Variants in MINDY3 observed in about 807,000 individuals in gnomAD.
The protein encoded by MINDY3 is ubiquitin carboxyl-terminal hydrolase MINDY-3.
MINDY3 carries 38 observed loss-of-function variants against 69.2 expected under a neutral mutation model. The observed-to-expected ratio is 0.55, with a 90% CI of 0.42 to 0.72. The LOEUF is 0.72. Ranked by LOEUF, MINDY3 falls within the 30% of genes least tolerant of loss-of-function variation. The pLI is 0.00. For missense variants in MINDY3, 522 were observed against 519.0 expected, an observed-to-expected ratio of 1.01 and a Z score of -0.06; for synonymous variants, 192 against 180.1, an observed-to-expected ratio of 1.07 and a Z score of -0.53.
chr10:15,858,440 A>G (rs1229403604), intron 1 of MINDY3, among the ~76,000 whole-genome samples: 2 of 152,258 alleles, frequency 1.3e-5, no homozygotes. Context: ...TGAATTTGGC[A>G]TAGTCTACAA....
At chr10:15,816,558 C>A (rs750569689) in intron 10 of MINDY3, among the ~76,000 whole-genome samples, 11 of 150,482 alleles carry the variant, frequency 7.3e-5, no homozygotes, top group Non-Finnish European at 4.4e-5. Flanking sequence ...CAATTGTTTT[C>A]TCTATAACAC....
At chr10:15,827,700 A>G (rs1473478749) in intron 8 of MINDY3, among the ~76,000 whole-genome samples, 2 of 152,150 alleles carry the variant, frequency 1.3e-5, no homozygotes, top group Non-Finnish European at 2.9e-5. Context: ...AGCTCCTAGA[A>G]ACTGAACAAA....
intron 9 of MINDY3, among the ~76,000 whole-genome samples, chr10:15,819,833 CAGA>C (rs919762444): frequency 6.6e-6 from 1 of 152,168 alleles, no homozygotes; most frequent in South Asian, 2.1e-4. Flanking sequence ...AATATGTAAA[CAGA>C]AGAATACACA....
At chr10:15,855,679 C>G (rs1834641675) in intron 1 of MINDY3, among the ~76,000 whole-genome samples, 1 of 152,084 alleles carries the variant, frequency 6.6e-6, no homozygotes, top group Non-Finnish European at 1.5e-5. Context: ...ATTTTGCACA[C>G]CATTTTGACA....
At chr10:15,848,023 G>C (rs1833974383) in intron 1 of MINDY3, 80 bp from the exon 2 acceptor site, 2 of 1,144,860 alleles carry the variant, frequency 1.7e-6, no homozygotes, top group African/African-American at 3.1e-5. Context: ...ACTTTGCTTT[G>C]AGAATGATCA....
At chr10:15,788,507 G>A (rs1181768435) in intron 12 of MINDY3, among the ~76,000 whole-genome samples, 1 of 152,012 alleles carries the variant, frequency 6.6e-6, no homozygotes, top group Non-Finnish European at 1.5e-5. Context: ...TGTTTGATAA[G>A]CTCAAGTTTT....
chr10:15,833,601 G>T lies in MINDY3; in HGVS notation c.730+29C>A, dbSNP rs185974010. The stretch of plus-strand genomic sequence containing the variant: ...TTCCAATGAAATATTATTCATCAAA[G>T]AGAGCAACATAACAAGGAATATACT... On this transcript the variant is annotated intron_variant, in intron 8 of 14. Transcript: ENST00000277632. 17 of 1,354,236 alleles carry T rather than the reference G, an allele frequency of 1.3e-5. No individual in the cohort carries two copies. The East Asian group carries it at 3.7e-4, about 29-fold the overall frequency. 83.9% of individuals were successfully genotyped at this position (1,354,236 alleles called of 1,614,324 possible). A position where few individuals can be genotyped will look rare whatever the true frequency, so the allele number is the denominator to read the frequency against.
chr10:15,782,984 TG>T (rs1836662688), intron 13 of MINDY3, among the ~76,000 whole-genome samples: 1 of 152,190 alleles, frequency 6.6e-6, no homozygotes, highest in South Asian at 2.1e-4. Context: ...GGCCCCTGGC[TG>T]AGTCTGCCTG....
chr10:15,802,777 C>T (rs1838354211), intron 10 of MINDY3, among the ~76,000 whole-genome samples: 1 of 151,774 alleles, frequency 6.6e-6, no homozygotes, highest in Admixed American at 6.6e-5. Flanking sequence ...CTGTAACTGT[C>T]ATTACTAATA....
At chr10:15,846,591 G>A (rs1314086844) in intron 2 of MINDY3, among the ~76,000 whole-genome samples, 2 of 151,704 alleles carry the variant, frequency 1.3e-5, no homozygotes, top group African/African-American at 4.8e-5. Flanking sequence ...ATCTATAAAA[G>A]ATATTTTGGA....
At chr10:15,838,038 C>T (rs1417236448) in intron 5 of MINDY3, 190 bp downstream of exon 5, 1 of 981,084 alleles carries the variant, frequency 1.0e-6, no homozygotes, top group African/African-American at 1.8e-5. Flanking sequence ...TAATTAAGGA[C>T]TCAGCATAGT....
chr10:15,849,613 G>A (rs940993845), intron 1 of MINDY3, among the ~76,000 whole-genome samples: 1 of 152,052 alleles, frequency 6.6e-6, no homozygotes, highest in Admixed American at 6.5e-5. Flanking sequence ...TATTTACTAT[G>A]TGTTAAGTGG....
chr10:15,860,234 C>G lies in MINDY3; in HGVS notation c.66G>C (p.Ser22=). ...VWGTKSSPGL[S]DTIFCRWTQG... Reference sequence around the variant, plus strand: ...GCGTCCAGCGGCAGAAAATGGTGTCCGAGAGACCGGGGCTGCTCTTGGTGC... The same window carrying G: ...GCGTCCAGCGGCAGAAAATGGTGTCGGAGAGACCGGGGCTGCTCTTGGTGC... The change falls in exon 1 of 15, where the codon TCG becomes TCC. Residue 22 remains serine, a synonymous_variant. Transcript: ENST00000277632. 1.2e-6 allele frequency: 2 copies of G among 1,610,382 alleles called. No individual in the cohort carries two copies. The highest frequency in any genetic ancestry group is 1.7e-6 in the Non-Finnish European group (2 of 1,178,436).
intron 6 of MINDY3, among the ~76,000 whole-genome samples, chr10:15,836,593 G>C (rs1460639835): frequency 6.6e-6 from 1 of 151,838 alleles, no homozygotes; most frequent in Non-Finnish European, 1.5e-5. Flanking sequence ...AGAGCTATGA[G>C]ACTGGTATTT....
intron 10 of MINDY3, among the ~76,000 whole-genome samples, chr10:15,804,392 C>T (rs937234768): frequency 2.6e-5 from 4 of 152,100 alleles, no homozygotes; most frequent in Non-Finnish European, 4.4e-5. Context: ...AGCCATCCTT[C>T]TAAACACCTA....
intron 2 of MINDY3, among the ~76,000 whole-genome samples, chr10:15,845,681 T>A (rs974501025): frequency 6.6e-6 from 1 of 151,658 alleles, no homozygotes; most frequent in Non-Finnish European, 1.5e-5. Flanking sequence ...TCAATTTTTT[T>A]TTTTTTTTAG....
At chr10:15,841,821 T>C (rs1313660212) in intron 3 of MINDY3, among the ~76,000 whole-genome samples, 1 of 151,622 alleles carries the variant, frequency 6.6e-6, no homozygotes, top group Non-Finnish European at 1.5e-5. Flanking sequence ...CACCACCAAG[T>C]AGAAAAAGAA....
intron 13 of MINDY3, among the ~76,000 whole-genome samples, chr10:15,786,352 G>A (rs369505038): frequency 3.3e-5 from 5 of 152,024 alleles, no homozygotes; most frequent in African/African-American, 1.2e-4. Context: ...TGGTGTCTGC[G>A]TCATCTTCTG....
chr10:15,806,737 C>A (rs1349101768), intron 10 of MINDY3, among the ~76,000 whole-genome samples: 1 of 152,140 alleles, frequency 6.6e-6, no homozygotes, highest in Non-Finnish European at 1.5e-5. Flanking sequence ...ATCTTAATAT[C>A]CTAGCACAAC....
Sources: allele counts gnomAD v4.1 joint callset (sites outside exome capture counted in the v4.1 genomes callset), GRCh38; gene constraint gnomAD v4.1.1; transcripts MANE v1.5; gene names NCBI Gene and HGNC (gene_info 2026-07-23, HGNC 2026-07-21).